Variants in CHRNB4 observed in about 807,000 individuals in gnomAD.
CHRNB4 encodes neuronal acetylcholine receptor subunit beta-4.
Under a neutral mutation model 40.4 loss-of-function variants are expected in CHRNB4, and 23 were observed. That is an observed-to-expected ratio of 0.57 (90% confidence interval 0.41 to 0.81). The LOEUF is 0.81. Among genes scored for constraint, CHRNB4 ranks in the 30% least tolerant of loss-of-function variants. CHRNB4 has a pLI of 0.00. For missense variants in CHRNB4, 568 were observed against 670.6 expected (o/e 0.85, Z 1.69); for synonymous variants, 285 against 274.4 (o/e 1.04, Z -0.38).
At chr15:78,646,686 G>A (rs1242708198) in intron 7 of CHRNB4, among the ~76,000 whole-genome samples, 1 of 152,182 alleles carries the variant, frequency 6.6e-6, no homozygotes, top group African/African-American at 2.4e-5. Context: ...TCTTATGAAG[G>A]TGGTGATCCC....
In CHRNB4 at chr15:78,629,017, C is replaced by A. The variant is rs763851734; in HGVS notation, c.1288G>T (p.Gly430Cys). Residue 430 changes from glycine to cysteine, a missense_variant, in exon 5 of 6, where the codon GGT (glycine) becomes TGT (cysteine). Gly to Cys is a radical substitution (Grantham distance 159). Transcript: ENST00000261751. This position sits in a 1 kb window ranked among gnomAD's most constrained non-coding sequence, Gnocchi z 6.8. The stretch of plus-strand genomic sequence containing the variant: ...ATGTGCTGGGCGATGAAGCTGACAC[C>A]TTCTAATGCCTCCTGCACATCCTGT... ...FRQDVQEALE[G>C]VSFIAQHMKN... 2 of 1,614,066 alleles carry A rather than the reference C, an allele frequency of 1.2e-6. No homozygotes were observed. The highest frequency in any genetic ancestry group is 2.2e-5 in the South Asian group (2 of 91,064).
At chr15:78,630,252 T>C (rs563663769) in intron 4 of CHRNB4, among the ~76,000 whole-genome samples, 1 of 151,928 alleles carries the variant, frequency 6.6e-6, no homozygotes, top group East Asian at 1.9e-4. Context: ...AGTTCTCCTG[T>C]CTCGGCCTCC....
chr15:78,641,224 G>C (rs2054068588), upstream of CHRNB4: 1 of 1,210,732 alleles, frequency 8.3e-7, no homozygotes, highest in Non-Finnish European at 1.1e-6. Context: ...CGCCGGTCCT[G>C]GCCCCCGAGG....
At chr15:78,655,295 C>T (rs796397022) in intron 5 of CHRNB4, among the ~76,000 whole-genome samples, 5 of 151,470 alleles carry the variant, frequency 3.3e-5, no homozygotes, top group African/African-American at 9.7e-5. Flanking sequence ...GCAGCCTCAA[C>T]CCCCAGGCTC....
At chr15:78,630,105 C>T (rs1567116088) in intron 4 of CHRNB4, among the ~76,000 whole-genome samples, 160 bp from the exon 5 acceptor site, 1 of 151,520 alleles carries the variant, frequency 6.6e-6, no homozygotes, top group African/African-American at 2.4e-5. Context: ...TTGTTAGCAA[C>T]TATGTGGTGG....
rs2053619728 is a variant in CHRNB4 at position 78,625,091 on chromosome 15, C to T, written c.*42G>A. The T allele has an allele frequency of 1.2e-6, 2 of 1,613,208 alleles. No homozygotes were observed. Among genetic ancestry groups the T allele is most frequent in the Non-Finnish European group, 1.7e-6 (2 of 1,179,836 alleles). On this transcript the variant is annotated 3_prime_UTR_variant, in exon 6 of 6. Coordinates refer to ENST00000261751, the MANE Select transcript of CHRNB4 (RefSeq NM_000750.5). ...CCAGAAAGAAGCAGCAAAGTGCCCA[C>T]CCGGCCACTCACATCCTCTCACCCC...
chr15:78,637,745 C>T (rs947181819), intron 1 of CHRNB4, among the ~76,000 whole-genome samples: 8 of 152,192 alleles, frequency 5.3e-5, no homozygotes, highest in African/African-American at 9.6e-5. Context: ...CTTTCCAACT[C>T]GCTGCCTATC....
intron 7 of CHRNB4, among the ~76,000 whole-genome samples, chr15:78,647,484 T>C (rs1432684116): frequency 6.6e-6 from 1 of 151,570 alleles, no homozygotes; most frequent in Non-Finnish European, 1.5e-5. Flanking sequence ...GTGAGGGGAA[T>C]GGACACAGAA....
At chr15:78,643,396 T>C (rs1220741939), upstream of CHRNB4, among the ~76,000 whole-genome samples, 2 of 151,810 alleles carry the variant, frequency 1.3e-5, no homozygotes, top group African/African-American at 4.9e-5. Flanking sequence ...ATTACAGGCA[T>C]GCAACACCAT....
At chr15:78,655,246 C>T (rs1052187260) in intron 5 of CHRNB4, among the ~76,000 whole-genome samples, 1 of 151,050 alleles carries the variant, frequency 6.6e-6, no homozygotes, top group East Asian at 2.0e-4. Flanking sequence ...CTTGCTCTGT[C>T]ACCTAGACTG....
intron 6 of CHRNB4, among the ~76,000 whole-genome samples, chr15:78,650,271 G>C (rs946345469): frequency 6.6e-6 from 1 of 152,198 alleles, no homozygotes; most frequent in Non-Finnish European, 1.5e-5. Flanking sequence ...GGCTGCAGTG[G>C]TGCTGGCCAG....
rs1273095175 is a variant in CHRNB4, at chr15:78,629,400, G to A, written c.905C>T (p.Thr302Ile). Reference sequence around the variant, plus strand: ...GATGGAGAAGGTGACCAGCACCATGGTGAACATGAGGTACTTGCCGATGAG... The same window carrying A: ...GATGGAGAAGGTGACCAGCACCATGATGAACATGAGGTACTTGCCGATGAG... Reference protein sequence around the residue: ...VPLIGKYLMFTMVLVTFSIVT... With the variant: ...VPLIGKYLMFIMVLVTFSIVT... Residue 302 changes from threonine (T) to isoleucine (I), a missense_variant, in exon 5 of 6, where the codon ACC (threonine) becomes ATC (isoleucine). Thr to Ile is a moderately conservative substitution (Grantham distance 89). Coordinates refer to ENST00000261751, the MANE Select transcript of CHRNB4 (RefSeq NM_000750.5). This position sits in a 1 kb window ranked among gnomAD's most constrained non-coding sequence, Gnocchi z 6.8. 4 of 1,614,174 alleles carry A rather than the reference G, an allele frequency of 2.5e-6. No individual in the cohort carries two copies. Among genetic ancestry groups the A allele is most frequent in the Non-Finnish European group, 3.4e-6 (4 of 1,180,030 alleles).
rs2053606015 is a variant in CHRNB4, at chr15:78,624,466, A to T, written c.*667T>A. 1 of 153,198 alleles carries T rather than the reference A, an allele frequency of 6.5e-6. No individual in the cohort carries two copies. Among genetic ancestry groups the T allele is most frequent in the Admixed American group, 6.5e-5 (1 of 15,306 alleles). 9.5% of individuals were successfully genotyped at this position (153,198 alleles called of 1,614,324 possible). A position where few individuals can be genotyped will look rare whatever the true frequency, so the allele number is the denominator to read the frequency against. On this transcript the variant is annotated 3_prime_UTR_variant, in exon 6 of 6. Transcript: ENST00000261751. ...CCCTGGGGGAAGAGGAAGAAGGTTCAGGTAGAAGATAGGGAAGGCCAGGCA... is the reference window on the plus strand; with the variant it reads ...CCCTGGGGGAAGAGGAAGAAGGTTCTGGTAGAAGATAGGGAAGGCCAGGCA...
intron 1 of CHRNB4, among the ~76,000 whole-genome samples, chr15:78,659,069 A>G (rs939938968): frequency 2.0e-5 from 3 of 152,198 alleles, no homozygotes; most frequent in African/African-American, 7.2e-5. Context: ...AGTGGACAAA[A>G]CAAAATCCTT....
At position 78,624,988 on chromosome 15, in the gene CHRNB4, TG is replaced by T. The variant is rs758497398; in HGVS notation, c.*144del. 2.5e-6 allele frequency: 4 copies of T among 1,584,410 alleles called. No homozygotes were observed. The African/African-American group carries it at 5.4e-5, about 21-fold the overall frequency. The stretch of plus-strand genomic sequence containing the variant: ...GACAGCCCAGGCCCCCATCCTTGCC[TG>T]TTCCACGGCTGTGGCTGGTTTGATG... On this transcript the variant is annotated 3_prime_UTR_variant, in exon 6 of 6. Transcript: ENST00000261751.
intron 5 of CHRNB4, chr15:78,626,342 G>A (rs2053653829): frequency 1.1e-4 from 1 of 9,236 alleles, no homozygotes; most frequent in South Asian, 4.1e-3. Flanking sequence ...TCAAGCGGGG[G>A]TGTGTGTGTG....
chr15:78,629,017 C>G lies in CHRNB4; in HGVS notation c.1288G>C (p.Gly430Arg). The stretch of plus-strand genomic sequence containing the variant: ...ATGTGCTGGGCGATGAAGCTGACAC[C>G]TTCTAATGCCTCCTGCACATCCTGT... ...FRQDVQEALE[G>R]VSFIAQHMKN... The change falls in exon 5 of 6, where the codon GGT (glycine) becomes CGT (arginine). Residue 430 changes from glycine (G) to arginine (R), a missense_variant. Gly to Arg is a moderately radical substitution (Grantham distance 125). Coordinates refer to ENST00000261751, the MANE Select transcript of CHRNB4 (RefSeq NM_000750.5). This position sits in a 1 kb window ranked among gnomAD's most constrained non-coding sequence, Gnocchi z 6.8. 1 of 1,614,066 alleles carries G rather than the reference C, an allele frequency of 6.2e-7. No individual in the cohort carries two copies. Among genetic ancestry groups the G allele is most frequent in the Non-Finnish European group, 8.5e-7 (1 of 1,180,016 alleles).
At chr15:78,657,642 C>T (rs550944146) in intron 2 of CHRNB4, among the ~76,000 whole-genome samples, 1 of 146,538 alleles carries the variant, frequency 6.8e-6, no homozygotes, top group Non-Finnish European at 1.5e-5. Flanking sequence ...CAAGCTCAGC[C>T]TCCCGGGTTC....
chr15:78,633,380 C>G (rs911134843), intron 2 of CHRNB4, among the ~76,000 whole-genome samples: 1 of 152,114 alleles, frequency 6.6e-6, no homozygotes, highest in African/African-American at 2.4e-5. Context: ...TGATAGGTAC[C>G]CAGATTCTTT....
Sources: allele counts gnomAD v4.1 joint callset (sites outside exome capture counted in the v4.1 genomes callset), GRCh38; gene constraint gnomAD v4.1.1; non-coding constraint Gnocchi (gnomAD v3.1); transcripts MANE v1.5; gene names NCBI Gene and HGNC (gene_info 2026-07-23, HGNC 2026-07-21).